Variants in HBA1 observed in about 807,000 individuals in gnomAD.
HBA1 encodes hemoglobin subunit alpha 1, also known as hemoglobin subunit alpha.
Under a neutral mutation model 7.8 loss-of-function variants are expected in HBA1, and 3 were observed. The ratio of observed to expected loss-of-function variants is 0.38; its 90% CI spans 0.17 to 0.99. HBA1 has a LOEUF of 0.99. Among genes scored for constraint, HBA1 ranks in the 50% least tolerant of loss-of-function variants. HBA1 has a pLI of 0.38. For synonymous variants in HBA1, 32 were observed against 91.8 expected (o/e 0.35, Z 3.72); for missense variants, 67 against 194.6 (o/e 0.34, Z 3.90).
chr16:177,146 C>T lies in HBA1; in HGVS notation c.300+13C>T. 3 of 1,601,010 alleles carry T rather than the reference C, an allele frequency of 1.9e-6. No homozygotes were observed. The highest frequency in any genetic ancestry group is 2.6e-6 in the Non-Finnish European group (3 of 1,176,042). Reference sequence around the variant, plus strand: ...GGTCAACTTCAAGGTGAGCGGCGGGCCGGGAGCGATCTGGGTCGAGGGGCG... The same window carrying T: ...GGTCAACTTCAAGGTGAGCGGCGGGTCGGGAGCGATCTGGGTCGAGGGGCG... On this transcript the variant is annotated intron_variant, in intron 2 of 2. Transcript: ENST00000320868.
Position 177,479 on chromosome 16 carries a change from A to T in HBA1, c.*68A>T. On this transcript the variant is annotated 3_prime_UTR_variant, in exon 3 of 3. Transcript: ENST00000320868. ...CCCCAGCCCCTCCTCCCCTTCCTGC[A>T]CCCGTACCCCCGTGGTCTTTGAATA... is the stretch of plus-strand genomic sequence containing the variant. The T allele has an allele frequency of 6.4e-7, 1 of 1,565,864 alleles. No homozygotes were observed. The highest frequency in any genetic ancestry group is 8.7e-7 in the Non-Finnish European group (1 of 1,149,794).
rs773103482 is a variant in HBA1 at position 177,232 on chromosome 16, G to A, written c.301-51G>A. ...GGGTTGCGGGAGGTGTAGCGCAGGCGGCGGCTGCGGGCCTGGGCCCTCGGC... is the reference window on the plus strand; with the variant it reads ...GGGTTGCGGGAGGTGTAGCGCAGGCAGCGGCTGCGGGCCTGGGCCCTCGGC... On this transcript the variant is annotated intron_variant, in intron 2 of 2. Transcript: ENST00000320868. 16 of 1,612,164 alleles carry A rather than the reference G, an allele frequency of 9.9e-6. No individual in the cohort carries two copies. In the African/African-American group the frequency reaches 1.6e-4, roughly 16 times the overall value.
chr16:177,461 C>A lies in HBA1; in HGVS notation c.*50C>A. 1 of 1,597,694 alleles carries A rather than the reference C, an allele frequency of 6.3e-7. No homozygotes were observed. The highest frequency in any genetic ancestry group is 8.5e-7 in the Non-Finnish European group (1 of 1,171,410). On this transcript the variant is annotated 3_prime_UTR_variant, in exon 3 of 3. Coordinates refer to ENST00000320868, the MANE Select transcript of HBA1 (RefSeq NM_000558.5). ...CTTGCCCCTTGGGCCTCCCCCCAGC[C>A]CCTCCTCCCCTTCCTGCACCCGTAC... is the stretch of plus-strand genomic sequence containing the variant.
At chr16:177,233 G>A (rs1335667526) in intron 2 of HBA1, 50 bp from the exon 3 acceptor site, 1 of 1,612,368 alleles carries the variant, frequency 6.2e-7, no homozygotes, top group Non-Finnish European at 8.5e-7. Context: ...AGCGCAGGCG[G>A]CGGCTGCGGG....
In HBA1 at chr16:177,383, G is replaced by A. The variant is rs35082275; in HGVS notation, c.401G>A (p.Ser134Asn). Residue 134 changes from serine to asparagine, a missense_variant, in exon 3 of 3, where the codon AGC becomes AAC. Physicochemically the swap from Ser to Asn is conservative, Grantham distance 46. Around this residue, in one of 2 missense-constraint regions of HBA1, gnomAD observed 58 missense variants for 91.9 expected, o/e 0.63. Transcript: ENST00000320868. ...CTGGACAAGTTCCTGGCTTCTGTGA[G>A]CACCGTGCTGACCTCCAAATACCGT... ...ASLDKFLASV[S>N]TVLTSKYR 1 of 1,613,778 alleles carries A rather than the reference G, an allele frequency of 6.2e-7. No homozygotes were observed. Among genetic ancestry groups the A allele is most frequent in the Non-Finnish European group, 8.5e-7 (1 of 1,179,964 alleles).
chr16:177,178 C>G (rs769740560), intron 2 of HBA1, 45 bp downstream of exon 2: 12 of 1,610,528 alleles, frequency 7.5e-6, no homozygotes, highest in Non-Finnish European at 9.3e-6. Flanking sequence ...GGCGAGATGG[C>G]GCCTTCCTCG....
In HBA1 at chr16:177,013, CAAG is replaced by C. The variant is rs34353199; in HGVS notation, c.184_186del (p.Lys62del). The C allele has an allele frequency of 7.4e-7, 1 of 1,346,754 alleles. No individual in the cohort carries two copies. Among genetic ancestry groups the C allele is most frequent in the African/African-American group, 1.5e-5 (1 of 68,336 alleles). The allele number at this position is 1,346,754 out of a possible 1,614,324, so 83.4% of individuals were successfully genotyped here. On this transcript the variant is annotated inframe_deletion, in exon 2 of 3. Coordinates refer to ENST00000320868, the MANE Select transcript of HBA1 (RefSeq NM_000558.5). ...GCTCTGCCCAGGTTAAGGGCCACGG[CAAG>C]AAGGTGGCCGACGCGCTGACCAACG...
Position 177,294 on chromosome 16 carries a change from C to G in HBA1, c.312C>G (p.His104Gln), listed in dbSNP as rs1902167389. Residue 104 changes from histidine to glutamine, a missense_variant, in exon 3 of 3, where the codon CAC (histidine) becomes CAG (glutamine). Physicochemically the swap from His to Gln is conservative, Grantham distance 24 (BLOSUM62 0). This residue lies in a region of HBA1 where 58 missense variants were observed against 91.9 expected (regional missense o/e 0.63). Coordinates refer to ENST00000320868, the MANE Select transcript of HBA1 (RefSeq NM_000558.5). The part of the protein sequence containing the change: ...VDPVNFKLLS[H>Q]CLLVTLAAHL... ...TCTTCTCTGCACAGCTCCTAAGCCA[C>G]TGCCTGCTGGTGACCCTGGCCGCCC... The G allele has an allele frequency of 6.2e-7, 1 of 1,613,454 alleles. No homozygotes were observed. The highest frequency in any genetic ancestry group is 8.5e-7 in the Non-Finnish European group (1 of 1,179,954).
rs33996798 is a variant in HBA1 at position 177,088 on chromosome 16, C to A, written c.255C>A (p.Ser85Arg). 2 of 1,546,446 alleles carry A rather than the reference C, an allele frequency of 1.3e-6. No homozygotes were observed. The highest frequency in any genetic ancestry group is 8.7e-7 in the Non-Finnish European group (1 of 1,147,502). The stretch of plus-strand genomic sequence containing the variant: ...TGCCCAACGCGCTGTCCGCCCTGAG[C>A]GACCTGCACGCGCACAAGCTTCGGG... ...DDMPNALSAL[S>R]DLHAHKLRVD... The change falls in exon 2 of 3, where the codon AGC (serine) becomes AGA (arginine). Residue 85 changes from serine to arginine, a missense_variant. Ser to Arg is a moderately radical substitution (Grantham distance 110, BLOSUM62 -1). Transcript: ENST00000320868.
In HBA1 at chr16:177,511, G is replaced by C. The variant is rs1902176664; in HGVS notation, c.*100G>C. 4 of 1,473,010 alleles carry C rather than the reference G, an allele frequency of 2.7e-6. No individual in the cohort carries two copies. The highest frequency in any genetic ancestry group is 1.2e-5 in the South Asian group (1 of 83,256). The allele number at this position is 1,473,010 out of a possible 1,614,324, so 91.2% of individuals were successfully genotyped here. On this transcript the variant is annotated 3_prime_UTR_variant, in exon 3 of 3. Coordinates refer to ENST00000320868, the MANE Select transcript of HBA1 (RefSeq NM_000558.5). ...CCCCCGTGGTCTTTGAATAAAGTCT[G>C]AGTGGGCGGCAGCCTGTGTGTGCCT...
In HBA1 at chr16:177,442, C is replaced by G. The variant is rs200097667; in HGVS notation, c.*31C>G. The G allele has an allele frequency of 1.4e-5, 22 of 1,610,554 alleles. No individual in the cohort carries two copies. The African/African-American group carries it at 1.5e-4, about 11-fold the overall frequency. ...AGCCTCGGTGGCCATGCTTCTTGCC[C>G]CTTGGGCCTCCCCCCAGCCCCTCCT... On this transcript the variant is annotated 3_prime_UTR_variant, in exon 3 of 3. Coordinates refer to ENST00000320868, the MANE Select transcript of HBA1 (RefSeq NM_000558.5).
At position 177,448 on chromosome 16, in the gene HBA1, G is replaced by A. The variant is rs1218593324; in HGVS notation, c.*37G>A. ...GGTGGCCATGCTTCTTGCCCCTTGG[G>A]CCTCCCCCCAGCCCCTCCTCCCCTT... On this transcript the variant is annotated 3_prime_UTR_variant, in exon 3 of 3. Coordinates refer to ENST00000320868, the MANE Select transcript of HBA1 (RefSeq NM_000558.5). 6 of 1,609,194 alleles carry A rather than the reference G, an allele frequency of 3.7e-6. No homozygotes were observed. Among genetic ancestry groups the A allele is most frequent in the Non-Finnish European group, 5.1e-6 (6 of 1,177,974 alleles).
rs1302712415 is a variant in HBA1, at chr16:177,432, G to A, written c.*21G>A. ...GTTAAGCTGGAGCCTCGGTGGCCAT[G>A]CTTCTTGCCCCTTGGGCCTCCCCCC... On this transcript the variant is annotated 3_prime_UTR_variant, in exon 3 of 3. Coordinates refer to ENST00000320868, the MANE Select transcript of HBA1 (RefSeq NM_000558.5). 1.5e-5 allele frequency: 24 copies of A among 1,612,560 alleles called. No individual in the cohort carries two copies. In the East Asian group the frequency reaches 5.1e-4, roughly 34 times the overall value.
At position 177,461 on chromosome 16, in the gene HBA1, CCCT is replaced by C. The variant is rs758099572; in HGVS notation, c.*56_*58del. 1.1e-5 allele frequency: 18 copies of C among 1,597,574 alleles called. No individual in the cohort carries two copies. In the East Asian group the frequency reaches 3.6e-4, roughly 32 times the overall value. On this transcript the variant is annotated 3_prime_UTR_variant, in exon 3 of 3. Transcript: ENST00000320868. ...CTTGCCCCTTGGGCCTCCCCCCAGCCCCTCCTCCCCTTCCTGCACCCGTACCCC... is the reference window on the plus strand; with the variant it reads ...CTTGCCCCTTGGGCCTCCCCCCAGCCCCTCCCCTTCCTGCACCCGTACCCC...
At position 177,393 on chromosome 16, in the gene HBA1, G is replaced by A; in HGVS notation, c.411G>A (p.Leu137=). The A allele has an allele frequency of 6.2e-7, 1 of 1,613,724 alleles. No individual in the cohort carries two copies. The highest frequency in any genetic ancestry group is 8.5e-7 in the Non-Finnish European group (1 of 1,179,966). Residue 137 remains leucine (L), a synonymous_variant, in exon 3 of 3, where the codon CTG becomes CTA. Coordinates refer to ENST00000320868, the MANE Select transcript of HBA1 (RefSeq NM_000558.5). ...TCCTGGCTTCTGTGAGCACCGTGCTGACCTCCAAATACCGTTAAGCTGGAG... is the reference window on the plus strand; with the variant it reads ...TCCTGGCTTCTGTGAGCACCGTGCTAACCTCCAAATACCGTTAAGCTGGAG... ...DKFLASVSTV[L]TSKYR is the part of the protein sequence containing the mutation.
At position 177,509 on chromosome 16, in the gene HBA1, C is replaced by A; in HGVS notation, c.*98C>A. ...TACCCCCGTGGTCTTTGAATAAAGT[C>A]TGAGTGGGCGGCAGCCTGTGTGTGC... On this transcript the variant is annotated 3_prime_UTR_variant, in exon 3 of 3. Coordinates refer to ENST00000320868, the MANE Select transcript of HBA1 (RefSeq NM_000558.5). The A allele has an allele frequency of 1.4e-6, 2 of 1,481,150 alleles. No homozygotes were observed. The highest frequency in any genetic ancestry group is 1.8e-6 in the Non-Finnish European group (2 of 1,081,138). The allele number at this position is 1,481,150 out of a possible 1,614,324, so 91.8% of individuals were successfully genotyped here.
Position 177,440 on chromosome 16 carries a change from C to A in HBA1, c.*29C>A. The stretch of plus-strand genomic sequence containing the variant: ...GGAGCCTCGGTGGCCATGCTTCTTG[C>A]CCCTTGGGCCTCCCCCCAGCCCCTC... On this transcript the variant is annotated 3_prime_UTR_variant, in exon 3 of 3. Transcript: ENST00000320868. The A allele has an allele frequency of 6.2e-7, 1 of 1,611,136 alleles. No homozygotes were observed. Among genetic ancestry groups the A allele is most frequent in the Non-Finnish European group, 8.5e-7 (1 of 1,178,878 alleles).
rs63750751 is a variant in HBA1, at chr16:177,340, C to T, written c.358C>T (p.Pro120Ser). 50 of 1,613,180 alleles carry T rather than the reference C, an allele frequency of 3.1e-5. 2 individuals are homozygous for T. In the Middle Eastern group the frequency reaches 1.3e-3, roughly 42 times the overall value. ...LAAHLPAEFT[P>S]AVHASLDKFL... ...CGCCCACCTCCCCGCCGAGTTCACC[C>T]CTGCGGTGCACGCCTCCCTGGACAA... The change falls in exon 3 of 3, where the codon CCT (proline) becomes TCT (serine). Residue 120 changes from proline to serine, a missense_variant. Pro to Ser is a moderately conservative substitution (Grantham distance 74). Around this residue, in one of 2 missense-constraint regions of HBA1, gnomAD observed 58 missense variants for 91.9 expected, o/e 0.63. Transcript: ENST00000320868.
At position 177,338 on chromosome 16, in the gene HBA1, C is replaced by A. The variant is rs747020299; in HGVS notation, c.356C>A (p.Thr119Asn). ...GCCGCCCACCTCCCCGCCGAGTTCA[C>A]CCCTGCGGTGCACGCCTCCCTGGAC... is the stretch of plus-strand genomic sequence containing the variant. ...TLAAHLPAEF[T>N]PAVHASLDKF... Residue 119 changes from threonine to asparagine, a missense_variant, in exon 3 of 3, where the codon ACC becomes AAC. This residue lies in a region of HBA1 where 58 missense variants were observed against 91.9 expected (regional missense o/e 0.63). Coordinates refer to ENST00000320868, the MANE Select transcript of HBA1 (RefSeq NM_000558.5). The A allele has an allele frequency of 6.8e-6, 11 of 1,613,336 alleles. No homozygotes were observed. Among genetic ancestry groups the A allele is most frequent in the African/African-American group, 2.7e-5 (2 of 75,056 alleles).
Sources: allele counts gnomAD v4.1 joint callset, GRCh38; gene constraint gnomAD v4.1.1; regional missense constraint gnomAD v4.1.1; transcripts MANE v1.5; gene names NCBI Gene and HGNC (gene_info 2026-07-23, HGNC 2026-07-21).